COL18A1: variants seen among roughly 807,000 people sequenced by gnomAD.
The protein encoded by COL18A1 is collagen type XVIII alpha 1 chain, also known as collagen alpha-1(XVIII) chain.
In COL18A1, 133 loss-of-function variants were observed where a neutral mutation model predicts 168.0. The observed-to-expected ratio is 0.79, with a 90% CI of 0.69 to 0.91. COL18A1 has a LOEUF of 0.91. Ranked by LOEUF, COL18A1 falls within the 40% of genes least tolerant of loss-of-function variation. COL18A1 has a pLI of 0.00. For missense variants in COL18A1, 2,126 were observed against 1,925.4 expected, an observed-to-expected ratio of 1.10 and a Z score of -1.95; for synonymous variants, 949 against 809.0, an observed-to-expected ratio of 1.17 and a Z score of -2.94.
chr21:45,511,993 G>A lies in COL18A1; in HGVS notation c.3810-195G>A, dbSNP rs371014401. The stretch of plus-strand genomic sequence containing the variant: ...GTGTCTGGCAGAAGCAGCATGGGGG[G>A]CAGTCTGGGAGATGCAGCCCCCTCC... On this transcript the variant is annotated intron_variant, in intron 41 of 41. Coordinates refer to ENST00000651438, the MANE Select transcript of COL18A1 (RefSeq NM_001379500.1). Among the ~76,000 whole-genome samples, 65 of 152,282 alleles carry A rather than the reference G, an allele frequency of 4.3e-4. 1 individual carries two copies. In the East Asian group the frequency reaches 0.012, roughly 29 times the overall value.
Position 45,500,419 on chromosome 21 carries a change from TGTG to T in COL18A1, c.2683+2760_2683+2762del, listed in dbSNP as rs560526620. On this transcript the variant is annotated intron_variant, in intron 32 of 41. Transcript: ENST00000651438. ...GTGTATGTGGGTGTTGGGTGTGTGG[TGTG>T]GGGTGTGTGTGGAGTGTGGCTATGG... Among the ~76,000 whole-genome samples the T allele has an allele frequency of 8.1e-4, 73 of 90,428 alleles. 1 individual carries two copies. Among genetic ancestry groups the T allele is most frequent in the African/African-American group, 2.7e-3 (60 of 22,058 alleles). 59.3% of individuals were successfully genotyped at this position (90,428 alleles called of 152,430 possible). A position where few individuals can be genotyped will look rare whatever the true frequency, so the allele number is the denominator to read the frequency against.
rs1474812655 is a variant in COL18A1 at position 45,513,166 on chromosome 21, T to TG, written c.*772dup. ...TGGGAGATTCAAGGGACCCATGAGT[T>TG]GGGGTCTGGCAGCCTCCCATCCAGG... On this transcript the variant is annotated 3_prime_UTR_variant, in exon 42 of 42. Coordinates refer to ENST00000651438, the MANE Select transcript of COL18A1 (RefSeq NM_001379500.1). 6.6e-6 allele frequency: 1 copy of TG among 152,320 alleles called. No individual in the cohort carries two copies. 9.4% of individuals were successfully genotyped at this position (152,320 alleles called of 1,614,324 possible). A position where few individuals can be genotyped will look rare whatever the true frequency, so the allele number is the denominator to read the frequency against.
At chr21:45,484,523 A>G (rs1166560896) in intron 15 of COL18A1, among the ~76,000 whole-genome samples, 1 of 152,222 alleles carries the variant, frequency 6.6e-6, no homozygotes, top group East Asian at 1.9e-4. Flanking sequence ...GCATATGTGC[A>G]CATACACATA....
At chr21:45,482,313 A>G in intron 14 of COL18A1, 1 of 679,636 alleles carries the variant, frequency 1.5e-6, no homozygotes, top group Non-Finnish European at 2.7e-6. Flanking sequence ...GTTACGGGGC[A>G]GTGGCCATGA....
chr21:45,466,485 C>G (rs779666246), intron 2 of COL18A1, among the ~76,000 whole-genome samples: 1 of 152,222 alleles, frequency 6.6e-6, no homozygotes, highest in Non-Finnish European at 1.5e-5. Context: ...AGGCTGAGCT[C>G]TCGCACCCGG....
At position 45,505,375 on chromosome 21, in the gene COL18A1, C is replaced by T. The variant is rs1378409831; in HGVS notation, c.3031C>T (p.Pro1011Ser). The stretch of plus-strand genomic sequence containing the variant: ...TCCTGCAGCTATCAGCGTTCCCGGC[C>T]CTCCGGGCCCCCCTGGGCCCCCTGG... ...PHRQTISVPG[P>S]PGPPGPPGPP... Residue 1011 changes from proline (P) to serine (S), a missense_variant, in exon 36 of 42, where the codon CCT (proline) becomes TCT (serine). By Grantham distance (74) the Pro-to-Ser change is moderately conservative. Coordinates refer to ENST00000651438, the MANE Select transcript of COL18A1 (RefSeq NM_001379500.1). The T allele has an allele frequency of 9.4e-6, 15 of 1,593,638 alleles. No homozygotes were observed. Among genetic ancestry groups the T allele is most frequent in the Non-Finnish European group, 1.1e-5 (13 of 1,164,478 alleles).
At chr21:45,490,705 G>A in intron 20 of COL18A1, 131 bp from the exon 21 acceptor site, 2 of 950,978 alleles carry the variant, frequency 2.1e-6, no homozygotes, top group Non-Finnish European at 3.3e-6. Context: ...GCTCTTGGTG[G>A]CTGCCTCCCT....
intron 37 of COL18A1, chr21:45,507,183 G>A (rs1219790896): frequency 1.4e-4 from 37 of 257,394 alleles, no homozygotes; most frequent in African/African-American, 1.1e-3. Flanking sequence ...GGAGAGGCGG[G>A]TGCTGGGCAG....
At chr21:45,505,310 G>C (rs375708096) in intron 35 of COL18A1, 32 bp downstream of exon 35, 12 of 1,603,734 alleles carry the variant, frequency 7.5e-6, no homozygotes, top group South Asian at 1.1e-5. Flanking sequence ...CCCGGGCAGA[G>C]GCCGCCTCGT....
In COL18A1 at chr21:45,477,494, C is replaced by A; in HGVS notation, c.1005+7C>A. ...TGGGGGCCGCGTGAAAGAGGTAAGG[C>A]CACCTCCCTGTGCTCCTGAACCATT... On this transcript the variant is annotated splice_region_variant and intron_variant, in intron 7 of 41. Coordinates refer to ENST00000651438, the MANE Select transcript of COL18A1 (RefSeq NM_001379500.1). The A allele has an allele frequency of 6.2e-7, 1 of 1,603,888 alleles. No homozygotes were observed. The highest frequency in any genetic ancestry group is 8.5e-7 in the Non-Finnish European group (1 of 1,175,094).
chr21:45,509,671 G>A, intron 39 of COL18A1, 70 bp downstream of exon 39: 1 of 877,896 alleles, frequency 1.1e-6, no homozygotes, highest in Admixed American at 2.0e-5. Context: ...AGAGGGCCCA[G>A]CCCCTGCAGA....
chr21:45,427,598 C>T (rs774178302), intron 2 of COL18A1, among the ~76,000 whole-genome samples: 1 of 152,184 alleles, frequency 6.6e-6, no homozygotes, highest in Admixed American at 6.5e-5. Flanking sequence ...CCACGGCGGG[C>T]GGGGAGCGGA....
At chr21:45,495,888 C>T (rs1226603448) in intron 29 of COL18A1, 6 of 317,828 alleles carry the variant, frequency 1.9e-5, no homozygotes, top group Non-Finnish European at 3.1e-5. Context: ...TATCCACATA[C>T]ATGACTATGA....
chr21:45,488,920 C>T (rs2036205539), intron 18 of COL18A1, among the ~76,000 whole-genome samples: 1 of 152,004 alleles, frequency 6.6e-6, no homozygotes, highest in Non-Finnish European at 1.5e-5. Flanking sequence ...CCACCCAGGC[C>T]CCGAAGCTCC....
chr21:45,498,174 T>C lies in COL18A1; in HGVS notation c.2683+513T>C, dbSNP rs1412915264. The C allele has an allele frequency of 2.9e-6, 2 of 680,584 alleles. No individual in the cohort carries two copies. Among genetic ancestry groups the C allele is most frequent in the Non-Finnish European group, 5.4e-6 (2 of 372,928 alleles). 42.2% of individuals were successfully genotyped at this position (680,584 alleles called of 1,614,324 possible). On this transcript the variant is annotated intron_variant, in intron 32 of 41. Transcript: ENST00000651438. This position sits in a 1 kb window ranked among gnomAD's most constrained non-coding sequence, Gnocchi z 4.5. ...GGGTGGCAGGGCTGCTTGGATGTCCTGCCAAGACCACTGAGAACAGCTGGA... is the reference window on the plus strand; with the variant it reads ...GGGTGGCAGGGCTGCTTGGATGTCCCGCCAAGACCACTGAGAACAGCTGGA...
chr21:45,509,895 C>T (rs1048504691), intron 39 of COL18A1, among the ~76,000 whole-genome samples, 169 bp from the exon 40 acceptor site: 5 of 152,188 alleles, frequency 3.3e-5, no homozygotes, highest in South Asian at 2.1e-4. Flanking sequence ...GACCTGGCAG[C>T]GTATGGGGGC....
chr21:45,511,663 T>C (rs1176637938), intron 41 of COL18A1, among the ~76,000 whole-genome samples: 9 of 152,126 alleles, frequency 5.9e-5, no homozygotes, highest in African/African-American at 2.2e-4. Context: ...AATGTCGCTG[T>C]GCCCTCCCCA....
chr21:45,467,047 C>T (rs1379268323), intron 2 of COL18A1, among the ~76,000 whole-genome samples: 3 of 152,366 alleles, frequency 2.0e-5, no homozygotes, highest in South Asian at 4.1e-4. Flanking sequence ...GGGATGTGAC[C>T]GCTGGCCCCC....
intron 16 of COL18A1, 50 bp downstream of exon 16, chr21:45,487,042 C>A: frequency 6.8e-7 from 1 of 1,466,388 alleles, no homozygotes; most frequent in Non-Finnish European, 9.0e-7. Flanking sequence ...GCTGCCGTTG[C>A]CCCAGCCCTA....
Sources: gnomAD v4.1 joint callset for allele counts (sites outside exome capture counted in the v4.1 genomes callset) on GRCh38, gnomAD v4.1.1 for gene constraint, Gnocchi (gnomAD v3.1) non-coding constraint, MANE v1.5 for transcripts, NCBI Gene and HGNC (gene_info 2026-07-23, HGNC 2026-07-21) for gene names.